The following ARHGAP24 variants were observed in gnomAD, a reference collection of about 807,000 sequenced individuals.
The protein encoded by ARHGAP24 is Rho GTPase activating protein 24.
Under a neutral mutation model 76.4 loss-of-function variants are expected in ARHGAP24, and 50 were observed. The observed-to-expected ratio is 0.65, with a 90% CI of 0.52 to 0.83. ARHGAP24 has a LOEUF of 0.83. ARHGAP24 is among the 40% of genes least tolerant of loss of function. The pLI, the probability that ARHGAP24 is intolerant of heterozygous loss-of-function variation, is 0.00. For synonymous variants in ARHGAP24, 345 were observed against 323.3 expected (o/e 1.07, Z -0.72); for missense variants, 930 against 914.2 (o/e 1.02, Z -0.22).
At position 86,000,755 on chromosome 4, in the gene ARHGAP24, G is replaced by C. The variant is rs759319783; in HGVS notation, c.*33G>C. ...TTCGCCTGCTGTCTCTGATGGCTCTGGCAAGGACTCCAGGGATTCTGGTGG... is the reference window on the plus strand; with the variant it reads ...TTCGCCTGCTGTCTCTGATGGCTCTCGCAAGGACTCCAGGGATTCTGGTGG... On this transcript the variant is annotated 3_prime_UTR_variant, in exon 10 of 10. Transcript: ENST00000395184. 7 of 1,612,760 alleles carry C rather than the reference G, an allele frequency of 4.3e-6. No homozygotes were observed. Among genetic ancestry groups the C allele is most frequent in the Non-Finnish European group, 5.1e-6 (6 of 1,179,312 alleles).
chr4:85,854,922 C>T (rs543514320), intron 3 of ARHGAP24, among the ~76,000 whole-genome samples: 1 of 152,280 alleles, frequency 6.6e-6, no homozygotes, highest in Non-Finnish European at 1.5e-5. Context: ...GTCCCAAGAA[C>T]AAGGGACTAT....
chr4:85,733,521 GGAGT>G (rs1042147876), intron 3 of ARHGAP24, among the ~76,000 whole-genome samples: 11 of 152,250 alleles, frequency 7.2e-5, no homozygotes, highest in Admixed American at 7.2e-4. Context: ...ACAAGAAAGG[GGAGT>G]GAGTAGAAAG....
intron 1 of ARHGAP24, among the ~76,000 whole-genome samples, chr4:85,527,340 T>A (rs1212284676): frequency 6.6e-6 from 1 of 152,162 alleles, no homozygotes; most frequent in South Asian, 2.1e-4. Flanking sequence ...ATGTCAGTTA[T>A]GTCAAACACA....
intron 2 of ARHGAP24, among the ~76,000 whole-genome samples, chr4:85,664,577 C>T (rs1722535968): frequency 2.0e-5 from 3 of 150,426 alleles, no homozygotes; most frequent in South Asian, 4.2e-4. Flanking sequence ...TTTGCTCTTG[C>T]TTTTCTAGTT....
chr4:85,525,531 A>C (rs924765924), intron 1 of ARHGAP24, among the ~76,000 whole-genome samples: 1 of 152,106 alleles, frequency 6.6e-6, no homozygotes, highest in Non-Finnish European at 1.5e-5. Flanking sequence ...TCAGACAAAA[A>C]CCATGGCTAA....
intron 3 of ARHGAP24, among the ~76,000 whole-genome samples, chr4:85,761,731 G>A (rs1403253465): frequency 2.0e-5 from 3 of 152,190 alleles, no homozygotes; most frequent in Non-Finnish European, 4.4e-5. Flanking sequence ...TCCGTGAGAT[G>A]TAATGAAGGT....
chr4:85,491,671 C>T (rs548883028), intron 1 of ARHGAP24, among the ~76,000 whole-genome samples: 1 of 152,204 alleles, frequency 6.6e-6, no homozygotes, highest in African/African-American at 2.4e-5. Context: ...TAGGCTGTTG[C>T]CCTGAATCTA....
At chr4:85,549,325 A>G (rs1052472282) in intron 1 of ARHGAP24, among the ~76,000 whole-genome samples, 6 of 150,962 alleles carry the variant, frequency 4.0e-5, no homozygotes, top group Non-Finnish European at 8.9e-5. Context: ...TGGTATTGTC[A>G]GTCTTTTTAA....
intron 1 of ARHGAP24, among the ~76,000 whole-genome samples, chr4:85,548,906 G>C (rs1245045336): frequency 6.6e-6 from 1 of 152,018 alleles, no homozygotes; most frequent in African/African-American, 2.4e-5. Context: ...TTCTATTTAT[G>C]GAATCGTGCA....
chr4:85,640,993 T>G (rs1721498481), intron 2 of ARHGAP24, among the ~76,000 whole-genome samples: 1 of 145,602 alleles, frequency 6.9e-6, no homozygotes, highest in South Asian at 2.2e-4. Flanking sequence ...TTAATTAAGT[T>G]ATTAATTAAA....
intron 3 of ARHGAP24, among the ~76,000 whole-genome samples, chr4:85,757,926 G>A (rs540484368): frequency 6.6e-6 from 1 of 152,202 alleles, no homozygotes; most frequent in East Asian, 1.9e-4. Flanking sequence ...GTATGAGATG[G>A]TATCTCATTG....
intron 1 of ARHGAP24, among the ~76,000 whole-genome samples, chr4:85,503,451 G>A (rs1252400368): frequency 6.6e-6 from 1 of 152,160 alleles, no homozygotes; most frequent in African/African-American, 2.4e-5. Flanking sequence ...TTGGGAGGGT[G>A]TATGTGTTCA....
chr4:85,833,829 T>TG (rs1171909366), intron 3 of ARHGAP24, among the ~76,000 whole-genome samples: 3 of 152,308 alleles, frequency 2.0e-5, no homozygotes, highest in African/African-American at 7.2e-5. Context: ...AGTAAGGTAT[T>TG]TATAAGCTCA....
chr4:85,945,577 C>A (rs968180425), intron 5 of ARHGAP24, among the ~76,000 whole-genome samples: 10 of 151,866 alleles, frequency 6.6e-5, no homozygotes, highest in Non-Finnish European at 1.0e-4. Flanking sequence ...GCCTGGCCAA[C>A]ATGCTGAAAC....
intron 3 of ARHGAP24, among the ~76,000 whole-genome samples, chr4:85,889,586 C>G (rs935560294): frequency 1.3e-5 from 2 of 152,108 alleles, no homozygotes; most frequent in African/African-American, 4.8e-5. Context: ...TGTCAGAAAA[C>G]TTTCATATTC....
At chr4:85,894,986 A>AAAAAAAAAAAG (rs1734076810) in intron 3 of ARHGAP24, among the ~76,000 whole-genome samples, 1 of 15,460 alleles carries the variant, frequency 6.5e-5, no homozygotes, top group Non-Finnish European at 1.4e-4. Flanking sequence ...AAAAAAAAAA[A>AAAAAAAAAAAG]AACAAAACAA....
intron 3 of ARHGAP24, among the ~76,000 whole-genome samples, chr4:85,906,942 G>A (rs943155887): frequency 3.3e-5 from 5 of 152,148 alleles, no homozygotes; most frequent in Admixed American, 6.5e-5. Flanking sequence ...TTTAAAGAAG[G>A]GAGAAAGCTT....
At chr4:85,953,649 T>C (rs1419525857) in intron 5 of ARHGAP24, among the ~76,000 whole-genome samples, 2 of 152,058 alleles carry the variant, frequency 1.3e-5, no homozygotes, top group Admixed American at 6.6e-5. Context: ...TTTTTTTTTT[T>C]TTAATCTGCC....
At chr4:85,727,263 T>C (rs1433167152) in intron 3 of ARHGAP24, among the ~76,000 whole-genome samples, 1 of 152,040 alleles carries the variant, frequency 6.6e-6, no homozygotes, top group Admixed American at 6.6e-5. Flanking sequence ...TTCTGAAATA[T>C]GAGCATGTGA....
Sources: allele counts gnomAD v4.1 joint callset (sites outside exome capture counted in the v4.1 genomes callset), GRCh38; gene constraint gnomAD v4.1.1; transcripts MANE v1.5; gene names NCBI Gene and HGNC (gene_info 2026-07-23, HGNC 2026-07-21).